CPS1: variants seen among roughly 807,000 people sequenced by gnomAD.
CPS1 encodes carbamoyl-phosphate synthase 1, also known as carbamoyl-phosphate synthase [ammonia], mitochondrial.
In CPS1, 109 loss-of-function variants were observed where a neutral mutation model predicts 174.6. That is an observed-to-expected ratio of 0.62 (90% confidence interval 0.53 to 0.73). The LOEUF (loss-of-function observed/expected upper bound fraction) is 0.73. Ranked by LOEUF, CPS1 falls within the 30% of genes least tolerant of loss-of-function variation. The pLI, the probability that CPS1 is intolerant of heterozygous loss-of-function variation, is 0.00. For synonymous variants in CPS1, 637 were observed against 632.0 expected, an observed-to-expected ratio of 1.01 and a Z score of -0.12; for missense variants, 1,689 against 1,821.9, an observed-to-expected ratio of 0.93 and a Z score of 1.33.
intron 31 of CPS1, among the ~76,000 whole-genome samples, chr2:210,660,115 CAG>C (rs1274166426): frequency 1.3e-5 from 2 of 152,012 alleles, no homozygotes; most frequent in East Asian, 3.9e-4. Context: ...AAGATAAAGA[CAG>C]TGAGGTCTCC....
chr2:210,511,438 C>T (rs372341336), intron 1 of CPS1, among the ~76,000 whole-genome samples: 7 of 151,850 alleles, frequency 4.6e-5, no homozygotes, highest in Admixed American at 1.3e-4. Flanking sequence ...TGCTAAATGA[C>T]GAGTTAATGG....
chr2:210,579,655 A>G, intron 4 of CPS1, 59 bp from the exon 5 acceptor site: 1 of 1,386,920 alleles, frequency 7.2e-7, no homozygotes, highest in Non-Finnish European at 1.0e-6. Flanking sequence ...TAACTTGAAA[A>G]CAATATGCTG....
At chr2:210,493,326 CAGA>C (rs1215397044) in intron 1 of CPS1, among the ~76,000 whole-genome samples, 4 of 152,108 alleles carry the variant, frequency 2.6e-5, no homozygotes, top group Non-Finnish European at 5.9e-5. Context: ...GGGGAGTTAG[CAGA>C]AGATTTCTGT....
At chr2:210,551,236 G>A (rs1696722063) in intron 1 of CPS1, among the ~76,000 whole-genome samples, 1 of 151,882 alleles carries the variant, frequency 6.6e-6, no homozygotes, top group Non-Finnish European at 1.5e-5. Context: ...ACTGAATTCT[G>A]AATCAACTTT....
At chr2:210,478,108 G>GCAGT (rs758503900) in intron 1 of CPS1, among the ~76,000 whole-genome samples, 154 of 152,304 alleles carry the variant, frequency 1.0e-3, no homozygotes, top group Non-Finnish European at 1.6e-3. Context: ...CATACACCCA[G>GCAGT]CAGTCAATTG....
chr2:210,626,303 T>C (rs1269152216), intron 21 of CPS1, among the ~76,000 whole-genome samples: 1 of 152,116 alleles, frequency 6.6e-6, no homozygotes, highest in Admixed American at 6.6e-5. Flanking sequence ...AAATAAACTT[T>C]CTTGGTAGAA....
intron 14 of CPS1, 90 bp downstream of exon 14, chr2:210,599,651 G>T (rs1000052913): frequency 3.5e-6 from 5 of 1,420,508 alleles, no homozygotes; most frequent in Non-Finnish European, 4.9e-6. Flanking sequence ...ATTGTGCTTT[G>T]TGTGTTCATA....
At chr2:210,602,099 C>A in intron 15 of CPS1, 103 bp from the exon 16 acceptor site, 1 of 1,335,098 alleles carries the variant, frequency 7.5e-7, no homozygotes, top group South Asian at 1.2e-5. Context: ...GATTCACTCT[C>A]CCCACATAAG....
At chr2:210,623,035 A>G (rs556958611) in intron 21 of CPS1, among the ~76,000 whole-genome samples, 103 of 152,192 alleles carry the variant, frequency 6.8e-4, no homozygotes, top group African/African-American at 2.4e-3. Flanking sequence ...TGATTATCTT[A>G]AAGAAGATGG....
chr2:210,657,604 A>G (rs554262372), intron 30 of CPS1: 1 of 152,510 alleles, frequency 6.6e-6, no homozygotes, highest in South Asian at 2.1e-4. Context: ...CACCGCGCCC[A>G]GCCGAACCTA....
chr2:210,597,233 A>C (rs1464114256), intron 13 of CPS1, among the ~76,000 whole-genome samples: 1 of 151,828 alleles, frequency 6.6e-6, no homozygotes, highest in Non-Finnish European at 1.5e-5. Context: ...ACATATTATA[A>C]AAGCATTTGC....
At chr2:210,503,168 C>T (rs1695192449) in intron 1 of CPS1, among the ~76,000 whole-genome samples, 1 of 152,114 alleles carries the variant, frequency 6.6e-6, no homozygotes. Context: ...GTAACCTCTT[C>T]AAGGTTATGT....
intron 1 of CPS1, among the ~76,000 whole-genome samples, chr2:210,509,030 T>C (rs1386839855): frequency 6.6e-6 from 1 of 152,208 alleles, no homozygotes; most frequent in African/African-American, 2.4e-5. Flanking sequence ...ACTCATTTTA[T>C]GAGGCCAGCA....
chr2:210,610,534 C>T lies in CPS1; in HGVS notation c.2392-1583C>T, dbSNP rs1167714549. Among the ~76,000 whole-genome samples the T allele has an allele frequency of 2.0e-5, 3 of 151,944 alleles. No homozygotes were observed. The East Asian group carries it at 5.9e-4, about 30-fold the overall frequency. ...CTCTGGTAAATATTAAAAGATAGTA[C>T]TTATATATAGATGCTATGAGAATAT... On this transcript the variant is annotated intron_variant, in intron 19 of 37. Coordinates refer to ENST00000233072, the MANE Select transcript of CPS1 (RefSeq NM_001875.5).
chr2:210,508,627 A>G (rs887103387), intron 1 of CPS1, among the ~76,000 whole-genome samples: 14 of 152,310 alleles, frequency 9.2e-5, no homozygotes, highest in African/African-American at 2.6e-4. Context: ...TTGATAGACC[A>G]CTAGCAAGAC....
chr2:210,629,772 C>T (rs1213755272), intron 21 of CPS1, among the ~76,000 whole-genome samples: 3 of 149,972 alleles, frequency 2.0e-5, no homozygotes, highest in Non-Finnish European at 4.4e-5. Flanking sequence ...AACCATGGGC[C>T]GGGCTCGGTG....
In CPS1 at chr2:210,573,532, C is replaced by G. The variant is rs1297712634; in HGVS notation, c.236+125C>G. 1.1e-5 allele frequency: 9 copies of G among 787,032 alleles called. No homozygotes were observed. The East Asian group carries it at 2.3e-4, about 20-fold the overall frequency. The allele number at this position is 787,032 out of a possible 1,614,324, so 48.8% of individuals were successfully genotyped here. A position where few individuals can be genotyped will look rare whatever the true frequency, so the allele number is the denominator to read the frequency against. On this transcript the variant is annotated intron_variant, in intron 2 of 37. Transcript: ENST00000233072. The stretch of plus-strand genomic sequence containing the variant: ...GACTACGTATTGTCCTGAAGTTGCA[C>G]CATGCCTTGTGCATAGCCTACTGCT...
chr2:210,548,952 A>G (rs913565454), intron 1 of CPS1, among the ~76,000 whole-genome samples: 2 of 152,098 alleles, frequency 1.3e-5, no homozygotes, highest in Non-Finnish European at 2.9e-5. Context: ...ATAGGAGGCC[A>G]TGGAAGAAAT....
rs6435580 is a variant in CPS1, at chr2:210,658,733, C to T, written c.3756+45C>T. The T allele has an allele frequency of 0.31, 421,152 of 1,378,736 alleles. 69,467 individuals are homozygous for T. Among genetic ancestry groups the T allele is most frequent in the Middle Eastern group, 0.36 (2,052 of 5,636 alleles). The allele number at this position is 1,378,736 out of a possible 1,614,324, so 85.4% of individuals were successfully genotyped here. A position where few individuals can be genotyped will look rare whatever the true frequency, so the allele number is the denominator to read the frequency against. On this transcript the variant is annotated intron_variant, in intron 31 of 37. Coordinates refer to ENST00000233072, the MANE Select transcript of CPS1 (RefSeq NM_001875.5). ...CTGAGAGGACACCACCACTGTGTTA[C>T]GTCATGTTGGTTTGCATCTCTCTGG...
Sources: gnomAD v4.1 joint callset for allele counts (sites outside exome capture counted in the v4.1 genomes callset) on GRCh38, gnomAD v4.1.1 for gene constraint, MANE v1.5 for transcripts, NCBI Gene and HGNC (gene_info 2026-07-23, HGNC 2026-07-21) for gene names.